Variants in NMBR observed in about 807,000 individuals in gnomAD.
The protein encoded by NMBR is neuromedin B receptor, also known as neuromedin-B receptor.
In NMBR, 16 loss-of-function variants were observed where a neutral mutation model predicts 20.5. The ratio of observed to expected loss-of-function variants is 0.78; its 90% CI spans 0.53 to 1.19. The LOEUF (loss-of-function observed/expected upper bound fraction) is 1.19, where lower values mean the gene tolerates loss of function less well. NMBR is among the 50% of genes most tolerant of loss of function. The probability of loss-of-function intolerance (pLI) is 0.00; values close to 1 mark genes in which losing one functional copy is unlikely to be tolerated. For synonymous variants in NMBR, 212 were observed against 196.6 expected (o/e 1.08, Z -0.65); for missense variants, 582 against 499.1 (o/e 1.17, Z -1.58).
intron 1 of NMBR, among the ~76,000 whole-genome samples, chr6:142,104,802 A>G (rs1384823540): frequency 6.6e-6 from 1 of 152,332 alleles, no homozygotes; most frequent in South Asian, 2.1e-4. Context: ...TGTCACATGC[A>G]TGGATGTGAA....
At chr6:142,111,648 G>T (rs1777765409) in intron 1 of NMBR, among the ~76,000 whole-genome samples, 2 of 152,122 alleles carry the variant, frequency 1.3e-5, no homozygotes, top group Admixed American at 6.6e-5. Flanking sequence ...TTGAAACATA[G>T]AACTGAGATG....
At chr6:142,076,587 G>GT (rs1776954569) in intron 3 of NMBR, among the ~76,000 whole-genome samples, 1 of 152,194 alleles carries the variant, frequency 6.6e-6, no homozygotes, top group African/African-American at 2.4e-5. Flanking sequence ...CGTGAATCCT[G>GT]TAAACATTAT....
At chr6:142,079,973 TA>T (rs1777059737) in intron 2 of NMBR, among the ~76,000 whole-genome samples, 1 of 152,206 alleles carries the variant, frequency 6.6e-6, no homozygotes, top group Admixed American at 6.5e-5. Context: ...AAATGGTATG[TA>T]AACCTCAAAT....
intron 1 of NMBR, among the ~76,000 whole-genome samples, chr6:142,107,560 T>C (rs1777683472): frequency 6.6e-6 from 1 of 152,086 alleles, no homozygotes; most frequent in Admixed American, 6.6e-5. Context: ...TGGGAAAAAA[T>C]AGACATTATT....
intron 1 of NMBR, among the ~76,000 whole-genome samples, chr6:142,132,365 A>G (rs1778159047): frequency 1.3e-5 from 2 of 152,176 alleles, no homozygotes; most frequent in African/African-American, 2.4e-5. Context: ...CACCCATAAC[A>G]ATGTCTTACA....
intron 2 of NMBR, among the ~76,000 whole-genome samples, chr6:142,083,879 C>T (rs1777151871): frequency 6.6e-6 from 1 of 152,106 alleles, no homozygotes; most frequent in African/African-American, 2.4e-5. Context: ...TAATACAAAG[C>T]TGAACAAAAA....
At chr6:142,131,928 T>C (rs1012107874) in intron 1 of NMBR, among the ~76,000 whole-genome samples, 1 of 152,206 alleles carries the variant, frequency 6.6e-6, no homozygotes, top group African/African-American at 2.4e-5. Context: ...CTTATGCAAA[T>C]GGTTGTTAGG....
chr6:142,088,485 C>T lies in NMBR; in HGVS notation c.174G>A (p.Leu58=). 1.2e-6 allele frequency: 2 copies of T among 1,614,114 alleles called. No individual in the cohort carries two copies. ...SLYLLIITVG[L]LGNIMLVKIF... is the part of the protein sequence containing the mutation. ...TCTTCACCAGCATGATGTTGCCCAG[C>T]AAGCCCACGGTGATGATGAGCAGGT... The change falls in exon 2 of 4, where the codon TTG becomes TTA. Residue 58 remains leucine, a synonymous_variant. Coordinates refer to ENST00000258042, the MANE Select transcript of NMBR (RefSeq NM_002511.4).
intron 1 of NMBR, among the ~76,000 whole-genome samples, chr6:142,090,158 T>G (rs1010315150): frequency 3.9e-5 from 6 of 152,134 alleles, no homozygotes; most frequent in Non-Finnish European, 7.3e-5. Context: ...GAGTCTAATG[T>G]AAACTGATCA....
At chr6:142,101,606 T>C (rs1777566701) in intron 1 of NMBR, among the ~76,000 whole-genome samples, 1 of 152,204 alleles carries the variant, frequency 6.6e-6, no homozygotes. Context: ...TCGATCTTTT[T>C]CTTTAAGGTC....
At chr6:142,100,555 A>G (rs967455530) in intron 1 of NMBR, among the ~76,000 whole-genome samples, 1 of 152,234 alleles carries the variant, frequency 6.6e-6, no homozygotes, top group African/African-American at 2.4e-5. Context: ...GGAGGAGGAA[A>G]GGACAAATGT....
chr6:142,112,623 G>A (rs1383606822), intron 1 of NMBR, among the ~76,000 whole-genome samples: 1 of 152,040 alleles, frequency 6.6e-6, no homozygotes, highest in East Asian at 1.9e-4. Context: ...TTGACAATTC[G>A]ATATTGTACG....
intron 1 of NMBR, among the ~76,000 whole-genome samples, chr6:142,146,131 T>A (rs1443711997): frequency 1.3e-5 from 2 of 152,150 alleles, no homozygotes; most frequent in Admixed American, 6.5e-5. Context: ...AAGACAGAAC[T>A]GAGTTTCAGG....
intron 1 of NMBR, among the ~76,000 whole-genome samples, chr6:142,135,414 G>C (rs1307052506): frequency 6.6e-6 from 1 of 152,010 alleles, no homozygotes; most frequent in Non-Finnish European, 1.5e-5. Context: ...TTATTAAAGA[G>C]TAATTACATA....
intron 1 of NMBR, among the ~76,000 whole-genome samples, chr6:142,142,452 A>G (rs1012934652): frequency 1.3e-5 from 2 of 152,196 alleles, no homozygotes; most frequent in African/African-American, 4.8e-5. Context: ...ATGAAAAGTT[A>G]TATTATAAAC....
chr6:142,101,247 T>C (rs1343605955), intron 1 of NMBR, among the ~76,000 whole-genome samples: 1 of 152,226 alleles, frequency 6.6e-6, no homozygotes, highest in African/African-American at 2.4e-5. Context: ...CCAGTCTGTT[T>C]ACACTTCTAT....
chr6:142,121,367 T>C (rs1777941456), intron 1 of NMBR, among the ~76,000 whole-genome samples: 1 of 151,914 alleles, frequency 6.6e-6, no homozygotes, highest in Non-Finnish European at 1.5e-5. Flanking sequence ...AAGCTAGAAA[T>C]GATTAAGCTT....
intron 1 of NMBR, among the ~76,000 whole-genome samples, chr6:142,122,829 CA>C (rs199886976): frequency 1.3e-5 from 2 of 150,036 alleles, no homozygotes; most frequent in Non-Finnish European, 3.0e-5. Flanking sequence ...ACTTACTGCT[CA>C]AAAAAAAAGG....
chr6:142,111,236 A>G lies in NMBR; in HGVS notation c.-663-21915T>C, dbSNP rs532151752. ...GCCTGGCCAACAGAGTGAGACTCCA[A>G]CTCAAAAAAAAAAAAAGACATACCC... On this transcript the variant is annotated intron_variant, in intron 1 of 3. Coordinates refer to ENST00000258042, the MANE Select transcript of NMBR (RefSeq NM_002511.4). Among the ~76,000 whole-genome samples the G allele has an allele frequency of 4.0e-4, 60 of 151,564 alleles. 1 individual carries two copies. The East Asian group carries it at 0.011, about 28-fold the overall frequency.
Sources: allele counts gnomAD v4.1 joint callset (sites outside exome capture counted in the v4.1 genomes callset), GRCh38; gene constraint gnomAD v4.1.1; transcripts MANE v1.5; gene names NCBI Gene and HGNC (gene_info 2026-07-23, HGNC 2026-07-21).